SPATA18: variants seen among roughly 807,000 people sequenced by gnomAD.
SPATA18 encodes mitochondria-eating protein.
A neutral mutation model predicts 68.1 loss-of-function variants in SPATA18; 54 were observed. That is an observed-to-expected ratio of 0.79 (90% CI 0.64 to 0.99). The LOEUF is 0.99. Among genes scored for constraint, SPATA18 ranks in the 50% least tolerant of loss-of-function variants. The pLI is 0.00. For missense variants in SPATA18, 724 were observed against 681.1 expected (o/e 1.06, Z -0.70); for synonymous variants, 242 against 244.8 (o/e 0.99, Z 0.11).
chr4:52,053,709 C>T lies in SPATA18; in HGVS notation c.87+1918C>T, dbSNP rs186930794. ...ATCATTATATACTCCACTCCCTTTTCACCATCATAATCTGTTGGTTCTAAC... is the reference window on the plus strand; with the variant it reads ...ATCATTATATACTCCACTCCCTTTTTACCATCATAATCTGTTGGTTCTAAC... On this transcript the variant is annotated intron_variant, in intron 1 of 12. Transcript: ENST00000295213. Among the ~76,000 whole-genome samples, 24 of 152,316 alleles carry T rather than the reference C, an allele frequency of 1.6e-4. No individual in the cohort carries two copies. In the East Asian group the frequency reaches 4.6e-3, roughly 29 times the overall value.
At position 52,060,888 on chromosome 4, in the gene SPATA18, C is replaced by T; in HGVS notation, c.300C>T (p.Pro100=). 6.2e-7 allele frequency: 1 copy of T among 1,613,588 alleles called. No individual in the cohort carries two copies. Among genetic ancestry groups the T allele is most frequent in the Non-Finnish European group, 8.5e-7 (1 of 1,179,636 alleles). The change falls in exon 3 of 13, where the codon CCC becomes CCT. Residue 100 remains proline (P), a synonymous_variant. Coordinates refer to ENST00000295213, the MANE Select transcript of SPATA18 (RefSeq NM_145263.4). ...GAAAATCTGTTGACAGCAAGGTCCC[C>T]TCTCTGCAGGTAGGGATGCTGAAGG... ...SLGKSVDSKV[P]SLQDTFDRER... is the part of the protein sequence containing the mutation.
At chr4:52,052,454 T>C (rs1444543615) in intron 1 of SPATA18, among the ~76,000 whole-genome samples, 1 of 152,136 alleles carries the variant, frequency 6.6e-6, no homozygotes, top group African/African-American at 2.4e-5. Flanking sequence ...CATTAATCCC[T>C]ACTCGCACCC....
At chr4:52,071,621 A>G (rs1394859637) in intron 5 of SPATA18, among the ~76,000 whole-genome samples, 2 of 152,238 alleles carry the variant, frequency 1.3e-5, no homozygotes, top group East Asian at 3.9e-4. Context: ...AACATGGGAC[A>G]GTATGACTAT....
intron 11 of SPATA18, among the ~76,000 whole-genome samples, chr4:52,087,606 T>C (rs967252665): frequency 1.3e-5 from 2 of 152,204 alleles, no homozygotes; most frequent in Non-Finnish European, 2.9e-5. Context: ...TTCTGAGGCC[T>C]CTGTTCTGTT....
rs751832639 is a variant in SPATA18, at chr4:52,079,745, ATG to A, written c.1184_1185del (p.Val395AspfsTer17). 6.8e-6 allele frequency: 11 copies of A among 1,613,444 alleles called. No homozygotes were observed. Among genetic ancestry groups the A allele is most frequent in the Admixed American group, 5.0e-5 (3 of 59,954 alleles). ...GTGATGCCATCTTTTGTTTTTCAGG[ATG>A]TGATCCGAGCCATGAATGTCAATCC... On this transcript the variant is annotated frameshift_variant and splice_region_variant, in exon 9 of 13. Coordinates refer to ENST00000295213, the MANE Select transcript of SPATA18 (RefSeq NM_145263.4). LOFTEE classifies it high-confidence loss of function.
intron 6 of SPATA18, among the ~76,000 whole-genome samples, chr4:52,075,370 C>T (rs1036391705): frequency 1.4e-4 from 21 of 152,096 alleles, no homozygotes; most frequent in African/African-American, 4.8e-4. Context: ...TTTCCTCCTC[C>T]AATGGAACTG....
intron 10 of SPATA18, among the ~76,000 whole-genome samples, chr4:52,083,741 CTTTT>C (rs530695076): frequency 8.2e-6 from 1 of 121,602 alleles, no homozygotes; most frequent in Non-Finnish European, 1.8e-5. Flanking sequence ...AAGATCCTGT[CTTTT>C]TTTTTTTTTT....
intron 5 of SPATA18, 120 bp from the exon 6 acceptor site, chr4:52,071,797 G>A (rs1282410562): frequency 3.1e-6 from 3 of 969,904 alleles, no homozygotes; most frequent in Non-Finnish European, 4.5e-6. Flanking sequence ...TGCAATAATG[G>A]CAGGCTGAGT....
chr4:52,093,105 T>C (rs1210060420), intron 11 of SPATA18, among the ~76,000 whole-genome samples: 1 of 152,052 alleles, frequency 6.6e-6, no homozygotes, highest in Non-Finnish European at 1.5e-5. Flanking sequence ...GTTTTACCAA[T>C]ATAACAAACC....
At chr4:52,068,681 T>A (rs1330277491) in intron 4 of SPATA18, among the ~76,000 whole-genome samples, 1 of 152,174 alleles carries the variant, frequency 6.6e-6, no homozygotes, top group Non-Finnish European at 1.5e-5. Context: ...TGTTCTACCA[T>A]CTAGAGGGAA....
intron 2 of SPATA18, 123 bp from the exon 3 acceptor site, chr4:52,060,659 C>CTT: frequency 5.8e-6 from 6 of 1,026,164 alleles, no homozygotes; most frequent in Non-Finnish European, 8.4e-6. Flanking sequence ...TGTATTCTCT[C>CTT]TTTTTTTTTT....
At chr4:52,063,800 C>G (rs1739089279) in intron 4 of SPATA18, among the ~76,000 whole-genome samples, 1 of 152,064 alleles carries the variant, frequency 6.6e-6, no homozygotes, top group South Asian at 2.1e-4. Flanking sequence ...CATGTAGGCA[C>G]TAGTGTCTCG....
chr4:52,073,895 G>A (rs1385451080), intron 6 of SPATA18, among the ~76,000 whole-genome samples: 1 of 152,164 alleles, frequency 6.6e-6, no homozygotes, highest in South Asian at 2.1e-4. Flanking sequence ...ACAGCAACTT[G>A]TTCAGCTAGG....
chr4:52,083,084 A>G lies in SPATA18; in HGVS notation c.1479+574A>G. 3.5e-6 allele frequency: 3 copies of G among 866,804 alleles called. No individual in the cohort carries two copies. The East Asian group carries it at 7.7e-4, about 223-fold the overall frequency. The allele number at this position is 866,804 out of a possible 1,614,324, so 53.7% of individuals were successfully genotyped here. A position where few individuals can be genotyped will look rare whatever the true frequency, so the allele number is the denominator to read the frequency against. ...GAACCTACAGAATGTTAAATACTTG[A>G]ACAGCCTTTAAAAAAAAGGAGTCTT... On this transcript the variant is annotated intron_variant, in intron 10 of 12. Transcript: ENST00000295213.
rs532444445 is a variant in SPATA18 at position 52,077,848 on chromosome 4, T to A, written c.1020+808T>A. ...ATCCTTAATTTCCAAAACAAATATG[T>A]TTGTTCTATGGGTTAGTGTCATACT... is the stretch of plus-strand genomic sequence containing the variant. On this transcript the variant is annotated intron_variant, in intron 7 of 12. Coordinates refer to ENST00000295213, the MANE Select transcript of SPATA18 (RefSeq NM_145263.4). Among the ~76,000 whole-genome samples, 4 of 152,272 alleles carry A rather than the reference T, an allele frequency of 2.6e-5. No individual in the cohort carries two copies. The South Asian group carries it at 6.2e-4, about 24-fold the overall frequency.
At chr4:52,065,000 T>TA (rs1739201561) in intron 4 of SPATA18, among the ~76,000 whole-genome samples, 1 of 152,254 alleles carries the variant, frequency 6.6e-6, no homozygotes, top group African/African-American at 2.4e-5. Context: ...ATTGTGATTT[T>TA]AAATTGCATT....
Position 52,085,003 on chromosome 4 carries a change from C to A in SPATA18, c.1563+4C>A. Reference sequence around the variant, plus strand: ...TAGCCAAATTGGTTTAAACACGGTACATATCTATCTAATCATTTTTACACA... The same window carrying A: ...TAGCCAAATTGGTTTAAACACGGTAAATATCTATCTAATCATTTTTACACA... On this transcript the variant is annotated splice_donor_region_variant and intron_variant, in intron 11 of 12. Transcript: ENST00000295213. The A allele has an allele frequency of 6.2e-7, 1 of 1,602,566 alleles. No homozygotes were observed. The highest frequency in any genetic ancestry group is 1.1e-5 in the South Asian group (1 of 90,174).
chr4:52,082,879 G>A, intron 10 of SPATA18: 3 of 985,330 alleles, frequency 3.0e-6, no homozygotes, highest in Non-Finnish European at 2.4e-6. Flanking sequence ...GAAACGATTT[G>A]CCAAATTTTT....
At chr4:52,081,697 A>C (rs1002867806) in intron 9 of SPATA18, among the ~76,000 whole-genome samples, 1 of 152,182 alleles carries the variant, frequency 6.6e-6, no homozygotes, top group Non-Finnish European at 1.5e-5. Context: ...ACTAAACCAT[A>C]TATCTCCTCT....
Sources: gnomAD v4.1 joint callset for allele counts (sites outside exome capture counted in the v4.1 genomes callset) on GRCh38, gnomAD v4.1.1 for gene constraint, MANE v1.5 for transcripts, NCBI Gene and HGNC (gene_info 2026-07-23, HGNC 2026-07-21) for gene names.